Variants in FKBP1B observed in about 807,000 individuals in gnomAD.
The protein encoded by FKBP1B is peptidyl-prolyl cis-trans isomerase FKBP1B.
Under a neutral mutation model 13.5 loss-of-function variants are expected in FKBP1B, and 4 were observed. That is an observed-to-expected ratio of 0.30 (90% CI 0.15 to 0.68). The LOEUF is 0.68. FKBP1B is among the 30% of genes least tolerant of loss of function. FKBP1B has a pLI of 0.76. For synonymous variants in FKBP1B, 54 were observed against 53.6 expected (o/e 1.01, Z -0.03); for missense variants, 93 against 136.2 (o/e 0.68, Z 1.58).
intron 2 of FKBP1B, among the ~76,000 whole-genome samples, chr2:24,058,901 AC>A (rs1664253333): frequency 6.6e-6 from 1 of 152,210 alleles, no homozygotes. Flanking sequence ...CTCAGTTAGT[AC>A]CCAGGGCAAA....
chr2:24,038,713 T>C, the FKBP1B span: 19 of 1,614,198 alleles, frequency 1.2e-5, no homozygotes, highest in Non-Finnish European at 1.4e-5. Flanking sequence ...TGCCTCTTTA[T>C]CCATAGAGCG....
chr2:24,037,525 T>C, the FKBP1B span: 1 of 839,374 alleles, frequency 1.2e-6, no homozygotes. Flanking sequence ...CCAACCAACC[T>C]GCAAAGGTGT....
chr2:24,042,894 G>T, the FKBP1B span, among the ~76,000 whole-genome samples: 1 of 151,454 alleles, frequency 6.6e-6, no homozygotes, highest in Admixed American at 6.6e-5. Flanking sequence ...TTAGCTGGGC[G>T]TGGTGGCACA....
upstream of FKBP1B, chr2:24,049,678 G>C: frequency 2.3e-6 from 1 of 428,254 alleles, no homozygotes; most frequent in Middle Eastern, 6.2e-4. Context: ...CCGCCCCGCC[G>C]CCCCCTTGCC....
chr2:24,061,130 G>A (rs1461278833), intron 3 of FKBP1B, among the ~76,000 whole-genome samples: 1 of 152,028 alleles, frequency 6.6e-6, no homozygotes, highest in Non-Finnish European at 1.5e-5. Flanking sequence ...TGTGTCCCTG[G>A]GGGCTCTCAT....
the FKBP1B span, among the ~76,000 whole-genome samples, chr2:24,040,741 G>C: frequency 1.3e-5 from 2 of 152,192 alleles, no homozygotes; most frequent in African/African-American, 2.4e-5. Context: ...TTAGGGCTGG[G>C]CGTGGTGACT....
chr2:24,050,433 T>G lies in FKBP1B; in HGVS notation c.37+547T>G, dbSNP rs1663815821. On this transcript the variant is annotated intron_variant, in intron 1 of 3. Transcript: ENST00000380986. The surrounding 1 kb of genome is among the most constrained non-coding windows in gnomAD (Gnocchi z 5.8). ...TTGCCCGCTTCCGGATCTCGCTTTA[T>G]CCTGCCGCCGCTTTCAGACTCCCTG... Among the ~76,000 whole-genome samples the G allele has an allele frequency of 6.6e-6, 1 of 152,150 alleles. No individual in the cohort carries two copies. Among genetic ancestry groups the G allele is most frequent in the South Asian group, 2.1e-4 (1 of 4,820 alleles).
At chr2:24,060,964 T>C (rs1664363899) in intron 3 of FKBP1B, 38 bp downstream of exon 3, 2 of 1,509,300 alleles carry the variant, frequency 1.3e-6, no homozygotes, top group Non-Finnish European at 1.8e-6. Context: ...ATCTGGGGAG[T>C]TGGGGATCTG....
At chr2:24,045,147 AAAG>A (rs1287148291), upstream of FKBP1B, among the ~76,000 whole-genome samples, 1 of 152,218 alleles carries the variant, frequency 6.6e-6, no homozygotes. Context: ...TTCAGTAGAG[AAAG>A]AAGGCCATAT....
At chr2:24,039,607 G>A in the FKBP1B span, 6 of 1,098,962 alleles carry the variant, frequency 5.5e-6, no homozygotes, top group Non-Finnish European at 7.7e-6. Flanking sequence ...CCCCTTCCCA[G>A]GTTAATAATG....
chr2:24,043,085 G>A, the FKBP1B span, among the ~76,000 whole-genome samples: 299 of 150,826 alleles, frequency 2.0e-3, 1 homozygote, highest in Non-Finnish European at 3.3e-3. Flanking sequence ...TTTAATCCGA[G>A]CACTTTGGCA....
At position 24,063,303 on chromosome 2, in the gene FKBP1B, C is replaced by T; in HGVS notation, c.*111C>T. 1 of 1,020,288 alleles carries T rather than the reference C, an allele frequency of 9.8e-7. No individual in the cohort carries two copies. The highest frequency in any genetic ancestry group is 1.8e-5 in the South Asian group (1 of 55,116). 63.2% of individuals were successfully genotyped at this position (1,020,288 alleles called of 1,614,324 possible). A position where few individuals can be genotyped will look rare whatever the true frequency, so the allele number is the denominator to read the frequency against. ...GGGCTCTTGATCAGTGTGCTAACCT[C>T]ACTGCCTCATGGCATCATCCATTCT... On this transcript the variant is annotated 3_prime_UTR_variant, in exon 4 of 4. Transcript: ENST00000380986.
At chr2:24,058,131 C>T (rs1664223240) in intron 2 of FKBP1B, among the ~76,000 whole-genome samples, 2 of 150,474 alleles carry the variant, frequency 1.3e-5, no homozygotes, top group Non-Finnish European at 2.9e-5. Flanking sequence ...ACCCAGGAGG[C>T]GGAGGTTGCA....
intron 2 of FKBP1B, among the ~76,000 whole-genome samples, chr2:24,058,341 G>A (rs1054306388): frequency 1.3e-5 from 2 of 152,046 alleles, no homozygotes; most frequent in Admixed American, 1.3e-4. Context: ...GGATTTGGTA[G>A]GGGTTAAAGT....
At chr2:24,041,858 C>CAAAAAAAAAAAAAAAAAAAAAAAAA in the FKBP1B span, among the ~76,000 whole-genome samples, 1 of 93,228 alleles carries the variant, frequency 1.1e-5, no homozygotes, top group Non-Finnish European at 2.1e-5. Context: ...AACTCTGTCT[C>CAAAAAAAAAAAAAAAAAAAAAAAAA]AAAAAAAAAA....
At chr2:24,061,752 C>T (rs568634041) in intron 3 of FKBP1B, among the ~76,000 whole-genome samples, 2 of 152,264 alleles carry the variant, frequency 1.3e-5, no homozygotes, top group South Asian at 4.1e-4. Flanking sequence ...TTAAATTTCA[C>T]CAATTGTCCC....
the FKBP1B span, among the ~76,000 whole-genome samples, chr2:24,042,067 A>ATAAAATG: frequency 6.6e-6 from 1 of 152,152 alleles, no homozygotes; most frequent in African/African-American, 2.4e-5. Flanking sequence ...GGATATAAGA[A>ATAAAATG]TAAAATGTTG....
At chr2:24,042,972 G>A in the FKBP1B span, among the ~76,000 whole-genome samples, 1 of 150,186 alleles carries the variant, frequency 6.7e-6, no homozygotes, top group African/African-American at 2.5e-5. Context: ...GGCGGAGGTT[G>A]CAGTGAGCTG....
chr2:24,033,424 A>G, the FKBP1B span, among the ~76,000 whole-genome samples: 1 of 152,242 alleles, frequency 6.6e-6, no homozygotes, highest in Non-Finnish European at 1.5e-5. Flanking sequence ...ACAAATAAAA[A>G]TAAATGATTT....
Sources: allele counts gnomAD v4.1 joint callset (sites outside exome capture counted in the v4.1 genomes callset), GRCh38; gene constraint gnomAD v4.1.1; non-coding constraint Gnocchi (gnomAD v3.1); transcripts MANE v1.5; gene names NCBI Gene and HGNC (gene_info 2026-07-23, HGNC 2026-07-21).